The following GBA1 variants were observed in gnomAD, a reference collection of about 807,000 sequenced individuals.
GBA1 encodes the protein lysosomal acid glucosylceramidase.
the GBA1 span, chr1:155,238,908 C>A: frequency 4.0e-6 from 2 of 501,962 alleles, no homozygotes; most frequent in South Asian, 2.0e-5. Context: ...CAGGGATGGG[C>A]AGAAGTCAGG....
the GBA1 span, chr1:155,235,923 G>T: frequency 1.3e-6 from 2 of 1,563,440 alleles, no homozygotes; most frequent in Non-Finnish European, 1.8e-6. Context: ...GTCACATGTG[G>T]GAGAGGCAGC....
At chr1:155,236,045 C>G in the GBA1 span, 8 of 733,624 alleles carry the variant, frequency 1.1e-5, no homozygotes, top group Non-Finnish European at 1.7e-5. Flanking sequence ...GCTGCAAGTG[C>G]CTCAGTAGTT....
chr1:155,235,857 C>G, the GBA1 span: 1 of 1,614,204 alleles, frequency 6.2e-7, no homozygotes, highest in Non-Finnish European at 8.5e-7. Context: ...AGGGTAAGGA[C>G]AAAGGCAAAG....
At chr1:155,244,014 C>T in the GBA1 span, 1 of 152,284 alleles carries the variant, frequency 6.6e-6, no homozygotes, top group Non-Finnish European at 1.5e-5. Flanking sequence ...CTTCCCACTC[C>T]ACCCCTCAAA....
the GBA1 span, chr1:155,237,204 A>C: frequency 2.0e-6 from 3 of 1,514,712 alleles, no homozygotes; most frequent in Non-Finnish European, 2.7e-6. Context: ...TGTGGGATCC[A>C]TGGCACCCTG....
At chr1:155,239,616 C>T in the GBA1 span, 1 of 1,614,138 alleles carries the variant, frequency 6.2e-7, no homozygotes, top group Non-Finnish European at 8.5e-7. Context: ...TCCTCCTCAC[C>T]TTCTTCAGAG....
At chr1:155,239,599 G>T in the GBA1 span, 1 of 1,614,010 alleles carries the variant, frequency 6.2e-7, no homozygotes, top group South Asian at 1.1e-5. Context: ...ATGTCATCTT[G>T]TCCCCTTCCT....
chr1:155,235,396 C>CCCACGGA, the GBA1 span: 1 of 1,574,522 alleles, frequency 6.4e-7, no homozygotes, highest in East Asian at 2.4e-5. Context: ...CACGGACCCA[C>CCCACGGA]CCCATAACTC....
chr1:155,236,210 T>A, the GBA1 span: 1 of 1,560,520 alleles, frequency 6.4e-7, no homozygotes, highest in Middle Eastern at 1.7e-4. Context: ...AGGTCTGAGG[T>A]CTGCTTTGCA....
At chr1:155,239,573 A>T in the GBA1 span, 1 of 1,611,704 alleles carries the variant, frequency 6.2e-7, no homozygotes, top group Non-Finnish European at 8.5e-7. Flanking sequence ...GAAAAACGAA[A>T]AGTTTCAATG....
At chr1:155,235,361 A>C in the GBA1 span, 1 of 1,601,386 alleles carries the variant, frequency 6.2e-7, no homozygotes, top group Non-Finnish European at 8.5e-7. Flanking sequence ...CTCCCATGAA[A>C]CCCTCATCTA....
chr1:155,242,420 A>G, the GBA1 span, among the ~76,000 whole-genome samples: 62,103 of 151,542 alleles, frequency 0.41, 14,360 homozygotes, highest in East Asian at 0.7. Flanking sequence ...ATGGGGTTTC[A>G]CTATGTTGGC....
the GBA1 span, chr1:155,235,366 C>T: frequency 1.9e-6 from 3 of 1,601,226 alleles, no homozygotes; most frequent in Non-Finnish European, 1.7e-6. Context: ...ATGAAACCCT[C>T]ATCTAAGAAG....
chr1:155,241,705 G>A, the GBA1 span, among the ~76,000 whole-genome samples: 63 of 152,296 alleles, frequency 4.1e-4, no homozygotes, highest in African/African-American at 1.5e-3. Context: ...TCTCTGAGAT[G>A]AGGAGGGACC....
At chr1:155,235,857 C>T in the GBA1 span, 9 of 1,614,086 alleles carry the variant, frequency 5.6e-6, 1 homozygote, top group East Asian at 1.3e-4. Flanking sequence ...AGGGTAAGGA[C>T]AAAGGCAAAG....
chr1:155,242,893 C>T, the GBA1 span, among the ~76,000 whole-genome samples: 4 of 152,150 alleles, frequency 2.6e-5, no homozygotes, highest in Non-Finnish European at 5.9e-5. Flanking sequence ...ACACCCGGTC[C>T]CTCCAGTAAT....
chr1:155,238,583 A>C, the GBA1 span: 1 of 1,613,580 alleles, frequency 6.2e-7, no homozygotes, highest in Non-Finnish European at 8.5e-7. Flanking sequence ...GGGTGTCTGC[A>C]TAGGTGTAGG....
At chr1:155,243,327 A>G in the GBA1 span, among the ~76,000 whole-genome samples, 1 of 152,162 alleles carries the variant, frequency 6.6e-6, no homozygotes, top group African/African-American at 2.4e-5. Flanking sequence ...ACTTCCCTCA[A>G]GTTCATTCAT....
At chr1:155,237,700 C>G in the GBA1 span, 1 of 1,550,646 alleles carries the variant, frequency 6.4e-7, no homozygotes, top group Non-Finnish European at 8.7e-7. Context: ...CACTTGAGTT[C>G]AGGAGTTCGA....
Sources: allele counts gnomAD v4.1 joint callset (sites outside exome capture counted in the v4.1 genomes callset), GRCh38; gene constraint gnomAD v4.1.1; transcripts MANE v1.5; gene names NCBI Gene and HGNC (gene_info 2026-07-23, HGNC 2026-07-21).